SUFU: variants seen among roughly 807,000 people sequenced by gnomAD.
The protein encoded by SUFU is SUFU negative regulator of hedgehog signaling.
In SUFU, 7 loss-of-function variants were observed where a neutral mutation model predicts 58.9. The ratio of observed to expected loss-of-function variants is 0.12; its 90% CI spans 0.07 to 0.22. The LOEUF is 0.22. Among genes scored for constraint, SUFU ranks in the 10% least tolerant of loss-of-function variants. The probability of loss-of-function intolerance (pLI) is 1.00; values close to 1 mark genes in which losing one functional copy is unlikely to be tolerated. For missense variants in SUFU, 451 were observed against 641.3 expected (o/e 0.70, Z 3.20); for synonymous variants, 232 against 254.8 (o/e 0.91, Z 0.85).
At chr10:102,557,956 A>G (rs1309091706) in intron 3 of SUFU, among the ~76,000 whole-genome samples, 1 of 150,964 alleles carries the variant, frequency 6.6e-6, no homozygotes, top group Non-Finnish European at 1.5e-5. Flanking sequence ...GCTGGAGTGC[A>G]GTGACACAAT....
At chr10:102,581,620 G>A (rs529054873) in intron 3 of SUFU, among the ~76,000 whole-genome samples, 1 of 152,324 alleles carries the variant, frequency 6.6e-6, no homozygotes, top group East Asian at 1.9e-4. Flanking sequence ...AAGGAGGGCG[G>A]GTTAGGCAGT....
chr10:102,583,462 T>G (rs534839803), intron 3 of SUFU, among the ~76,000 whole-genome samples: 1 of 152,218 alleles, frequency 6.6e-6, no homozygotes, highest in African/African-American at 2.4e-5. Context: ...GACTCCCTTT[T>G]CTTGCCTTAG....
upstream of SUFU, chr10:102,502,827 T>TTG (rs1382516465): frequency 7.0e-5 from 43 of 613,174 alleles, no homozygotes; most frequent in Non-Finnish European, 1.1e-4. Context: ...CTAGCTTGCT[T>TTG]TGTTGCCCGC....
chr10:102,560,190 G>A (rs563674033), intron 3 of SUFU, among the ~76,000 whole-genome samples: 4 of 152,330 alleles, frequency 2.6e-5, no homozygotes, highest in Admixed American at 2.6e-4. Context: ...GAAGGTGAAA[G>A]TCCTTCATAA....
At chr10:102,567,745 C>T (rs2063106003) in intron 3 of SUFU, among the ~76,000 whole-genome samples, 1 of 152,146 alleles carries the variant, frequency 6.6e-6, no homozygotes, top group Non-Finnish European at 1.5e-5. Context: ...GACTCTGAAA[C>T]AGCAGTGGGG....
chr10:102,619,603 A>T lies in SUFU; in HGVS notation c.1296+2175A>T. The stretch of plus-strand genomic sequence containing the variant: ...CGAGGGGTTTCTCAGGCCCTTTCCA[A>T]GGAGCCCTGGGAAACCCTCTGACCC... On this transcript the variant is annotated intron_variant, in intron 10 of 11. Coordinates refer to ENST00000369902, the MANE Select transcript of SUFU (RefSeq NM_016169.4). The surrounding 1 kb of genome is among the most constrained non-coding windows in gnomAD (Gnocchi z 4.2). 1.3e-6 allele frequency: 1 copy of T among 755,702 alleles called. No homozygotes were observed. The highest frequency in any genetic ancestry group is 1.7e-6 in the Non-Finnish European group (1 of 604,784). The allele number at this position is 755,702 out of a possible 1,614,324, so 46.8% of individuals were successfully genotyped here.
upstream of SUFU, chr10:102,503,851 A>C: frequency 2.7e-6 from 1 of 366,766 alleles, no homozygotes; most frequent in Non-Finnish European, 5.0e-6. Context: ...GGCGGGGCCT[A>C]TTGTCAAGTC....
At chr10:102,527,295 C>T (rs1399832382) in intron 2 of SUFU, among the ~76,000 whole-genome samples, 1 of 151,936 alleles carries the variant, frequency 6.6e-6, no homozygotes, top group Non-Finnish European at 1.5e-5. Flanking sequence ...AGCCACCGCG[C>T]CCGGCCGACA....
chr10:102,526,553 A>T (rs928759552), intron 2 of SUFU, among the ~76,000 whole-genome samples: 1 of 152,112 alleles, frequency 6.6e-6, no homozygotes, highest in Non-Finnish European at 1.5e-5. Flanking sequence ...ACCCTGTCTT[A>T]AAAAAATAAA....
chr10:102,622,113 C>G (rs537747848), intron 10 of SUFU, among the ~76,000 whole-genome samples: 1 of 152,316 alleles, frequency 6.6e-6, no homozygotes, highest in Admixed American at 6.5e-5. Flanking sequence ...ATTCCAAGCC[C>G]CCCTCCCTGG....
intron 2 of SUFU, among the ~76,000 whole-genome samples, chr10:102,535,003 T>C (rs1438801420): frequency 6.6e-6 from 1 of 151,770 alleles, no homozygotes; most frequent in East Asian, 1.9e-4. Flanking sequence ...CTCCACCCCC[T>C]ACCCCCTGCA....
At chr10:102,568,921 CACATATATAT>C (rs2063128224) in intron 3 of SUFU, among the ~76,000 whole-genome samples, 1 of 9,538 alleles carries the variant, frequency 1.0e-4, no homozygotes, top group African/African-American at 3.7e-4. Context: ...TATATATATA[CACATATATAT>C]ATATATATAT....
Position 102,554,418 on chromosome 10 carries a change from C to CA in SUFU, c.454+4320dup, listed in dbSNP as rs1371752808. Among the ~76,000 whole-genome samples, 11 of 151,588 alleles carry CA rather than the reference C, an allele frequency of 7.3e-5. No homozygotes were observed. In the East Asian group the frequency reaches 2.1e-3, roughly 29 times the overall value. ...AACTCTGTCTCAAAACAAAACAAAG[C>CA]AAAAAAAAGTACACATAACTGTACA... On this transcript the variant is annotated intron_variant, in intron 3 of 11. Coordinates refer to ENST00000369902, the MANE Select transcript of SUFU (RefSeq NM_016169.4).
chr10:102,589,442 C>CTTTTTTTTTTTTTTTTTTTTTTTTTTTT (rs747625757), intron 3 of SUFU, among the ~76,000 whole-genome samples: 1 of 65,364 alleles, frequency 1.5e-5, no homozygotes, highest in Non-Finnish European at 2.6e-5. Flanking sequence ...TTCTTTCTTT[C>CTTTTTTTTTTTTTTTTTTTTTTTTTTTT]TTTTTTTTTT....
At chr10:102,598,366 G>A (rs1024770932) in intron 7 of SUFU, among the ~76,000 whole-genome samples, 34 of 152,070 alleles carry the variant, frequency 2.2e-4, no homozygotes, top group African/African-American at 7.5e-4. Flanking sequence ...TGTTGCCCAC[G>A]CTGGTCTTAA....
intron 2 of SUFU, among the ~76,000 whole-genome samples, chr10:102,536,113 C>G (rs996173495): frequency 2.6e-5 from 4 of 152,032 alleles, no homozygotes; most frequent in Non-Finnish European, 5.9e-5. Context: ...GGACTACAGG[C>G]GCCCACCAAC....
At position 102,601,980 on chromosome 10, in the gene SUFU, A is replaced by G. The variant is rs75804269; in HGVS notation, c.1022+2436A>G. On this transcript the variant is annotated intron_variant, in intron 8 of 11. Coordinates refer to ENST00000369902, the MANE Select transcript of SUFU (RefSeq NM_016169.4). ...TGTGGTCTAAGGAAGATACAGAGCT[A>G]AATCAGAGGCTCAGAGCAGCTGATC... 5.4e-3 allele frequency among the ~76,000 whole-genome samples: 815 copies of G among 152,322 alleles called. 5 individuals carry two copies. Among genetic ancestry groups the G allele is most frequent in the African/African-American group, 0.019 (778 of 41,568 alleles).
At chr10:102,569,029 G>A (rs1459468498) in intron 3 of SUFU, among the ~76,000 whole-genome samples, 1 of 145,828 alleles carries the variant, frequency 6.9e-6, no homozygotes, top group Non-Finnish European at 1.5e-5. Flanking sequence ...GCCCCTCTAG[G>A]ATAAATAGAC....
chr10:102,536,416 T>G (rs1428226339), intron 2 of SUFU, among the ~76,000 whole-genome samples: 1 of 144,108 alleles, frequency 6.9e-6, no homozygotes, highest in East Asian at 2.1e-4. Flanking sequence ...CAGGCTGGAG[T>G]GCAGTGGTGC....
Sources: allele counts gnomAD v4.1 joint callset (sites outside exome capture counted in the v4.1 genomes callset), GRCh38; gene constraint gnomAD v4.1.1; non-coding constraint Gnocchi (gnomAD v3.1); transcripts MANE v1.5; gene names NCBI Gene and HGNC (gene_info 2026-07-23, HGNC 2026-07-21).